CDK14: variants seen among roughly 807,000 people sequenced by gnomAD.
CDK14 encodes the protein cyclin-dependent kinase 14.
Under a neutral mutation model 60.7 loss-of-function variants are expected in CDK14, and 34 were observed. The ratio of observed to expected loss-of-function variants is 0.56; its 90% CI spans 0.43 to 0.75. The LOEUF (loss-of-function observed/expected upper bound fraction) is 0.75, where lower values mean the gene tolerates loss of function less well. Ranked by LOEUF, CDK14 falls within the 30% of genes least tolerant of loss-of-function variation. CDK14 has a pLI of 0.00. For synonymous variants in CDK14, 197 were observed against 203.7 expected (o/e 0.97, Z 0.28); for missense variants, 482 against 564.1 (o/e 0.85, Z 1.47).
intron 2 of CDK14, among the ~76,000 whole-genome samples, chr7:90,626,850 C>T (rs975408868): frequency 2.0e-5 from 3 of 150,732 alleles, no homozygotes; most frequent in African/African-American, 7.3e-5. Context: ...TGAGGTGGGA[C>T]GATCACTTGA....
intron 12 of CDK14, among the ~76,000 whole-genome samples, chr7:91,090,982 T>C (rs1471789162): frequency 1.1e-5 from 1 of 93,702 alleles, no homozygotes; most frequent in Non-Finnish European, 2.0e-5. Flanking sequence ...GCTCATTAAC[T>C]AAGTTGGTTT....
At chr7:90,979,120 T>C (rs1051479925) in intron 9 of CDK14, among the ~76,000 whole-genome samples, 6 of 152,184 alleles carry the variant, frequency 3.9e-5, no homozygotes, top group African/African-American at 1.4e-4. Flanking sequence ...CCTAAATGAA[T>C]GAGTGTGGTT....
intron 10 of CDK14, among the ~76,000 whole-genome samples, chr7:90,987,276 A>G (rs535505133): frequency 1.5e-4 from 23 of 152,136 alleles, no homozygotes; most frequent in Non-Finnish European, 3.1e-4. Flanking sequence ...AGATAAATAA[A>G]TCATTTTAAA....
chr7:90,851,622 A>G (rs1183091369), intron 5 of CDK14, among the ~76,000 whole-genome samples: 2 of 152,242 alleles, frequency 1.3e-5, no homozygotes, highest in Non-Finnish European at 2.9e-5. Context: ...GGAGTCAGAT[A>G]GTTTCTTACC....
At chr7:91,003,176 A>T (rs757818923) in intron 10 of CDK14, among the ~76,000 whole-genome samples, 3 of 152,220 alleles carry the variant, frequency 2.0e-5, no homozygotes, top group Non-Finnish European at 4.4e-5. Context: ...ATTTCAGTGA[A>T]TGGCAGTTTA....
At chr7:90,711,274 TC>T (rs1448398504) in intron 2 of CDK14, among the ~76,000 whole-genome samples, 1 of 152,142 alleles carries the variant, frequency 6.6e-6, no homozygotes, top group Non-Finnish European at 1.5e-5. Context: ...CTGTATTCAC[TC>T]AACTATTTAC....
At chr7:91,130,758 A>T (rs1395913910) in intron 14 of CDK14, among the ~76,000 whole-genome samples, 1 of 152,134 alleles carries the variant, frequency 6.6e-6, no homozygotes, top group Non-Finnish European at 1.5e-5. Flanking sequence ...ATCTTGAAAG[A>T]CTTTTACTGT....
chr7:91,206,974 T>C (rs1482659195), intron 14 of CDK14, among the ~76,000 whole-genome samples, 191 bp from the exon 15 acceptor site: 3 of 152,178 alleles, frequency 2.0e-5, no homozygotes, highest in African/African-American at 4.8e-5. Context: ...TCAGAACATT[T>C]GTTTATCATA....
At chr7:90,947,852 T>C (rs1794145396) in intron 8 of CDK14, among the ~76,000 whole-genome samples, 1 of 152,182 alleles carries the variant, frequency 6.6e-6, no homozygotes, top group Non-Finnish European at 1.5e-5. Context: ...TAAATATGTA[T>C]GTATAATAAA....
chr7:91,028,541 C>T (rs980323950), intron 10 of CDK14, among the ~76,000 whole-genome samples: 1 of 152,142 alleles, frequency 6.6e-6, no homozygotes, highest in African/African-American at 2.4e-5. Context: ...TTTGCATTCC[C>T]ACTAACAGTG....
At chr7:90,805,316 T>C (rs1788781567) in intron 5 of CDK14, among the ~76,000 whole-genome samples, 1 of 152,044 alleles carries the variant, frequency 6.6e-6, no homozygotes, top group Non-Finnish European at 1.5e-5. Flanking sequence ...ACCATGTTAA[T>C]AGAATAAAGT....
chr7:90,603,372 T>A (rs1799354733), intron 1 of CDK14, among the ~76,000 whole-genome samples: 1 of 152,212 alleles, frequency 6.6e-6, no homozygotes. Context: ...CTGTACATTT[T>A]TCTATGTTTA....
In CDK14 at chr7:91,131,835, C is replaced by T. The variant is rs552077849; in HGVS notation, c.*28+13627C>T. ...CCACTGGAATCTAAATATCAGAATA[C>T]AGGAACTCGTTTACGGTTTTATCCT... On this transcript the variant is annotated intron_variant, in intron 14 of 14. Coordinates refer to ENST00000380050, the MANE Select transcript of CDK14 (RefSeq NM_001287135.2). Among the ~76,000 whole-genome samples the T allele has an allele frequency of 9.9e-5, 15 of 152,272 alleles. No homozygotes were observed. In the East Asian group the frequency reaches 2.9e-3, roughly 29 times the overall value.
intron 6 of CDK14, among the ~76,000 whole-genome samples, chr7:90,891,432 C>A (rs1315588480): frequency 1.3e-5 from 2 of 152,202 alleles, no homozygotes; most frequent in African/African-American, 4.8e-5. Context: ...GGTGTTTACA[C>A]ATAAACTATG....
chr7:90,740,004 A>T (rs1803276795), intron 3 of CDK14, among the ~76,000 whole-genome samples: 1 of 152,108 alleles, frequency 6.6e-6, no homozygotes. Context: ...TACTTGATTT[A>T]ACTCAACACA....
At chr7:91,194,093 G>T (rs1584199607) in intron 14 of CDK14, among the ~76,000 whole-genome samples, 1 of 152,184 alleles carries the variant, frequency 6.6e-6, no homozygotes, top group South Asian at 2.1e-4. Context: ...GTTCTCCTGT[G>T]CATTTTACCA....
intron 7 of CDK14, among the ~76,000 whole-genome samples, chr7:90,912,419 A>G (rs963774159): frequency 1.3e-5 from 2 of 152,224 alleles, no homozygotes; most frequent in African/African-American, 4.8e-5. Flanking sequence ...CCATGCATTT[A>G]TTCAGCATCA....
rs1489971748 is a variant in CDK14, at chr7:90,798,292, A to G, written c.544+7640A>G. Among the ~76,000 whole-genome samples, 5 of 151,044 alleles carry G rather than the reference A, an allele frequency of 3.3e-5. No individual in the cohort carries two copies. In the South Asian group the frequency reaches 6.3e-4, roughly 19 times the overall value. Reference sequence around the variant, plus strand: ...TTCTTGCCTTCTCATTCTGCCTTTCATATTCTTATTTTTCTGCTGTTTATA... The same window carrying G: ...TTCTTGCCTTCTCATTCTGCCTTTCGTATTCTTATTTTTCTGCTGTTTATA... On this transcript the variant is annotated intron_variant, in intron 5 of 14. Coordinates refer to ENST00000380050, the MANE Select transcript of CDK14 (RefSeq NM_001287135.2).
chr7:91,138,918 G>A (rs772939376), intron 14 of CDK14, among the ~76,000 whole-genome samples: 10 of 152,108 alleles, frequency 6.6e-5, no homozygotes, highest in Admixed American at 6.5e-4. Context: ...TTGTTGCCTC[G>A]ATTCTGGCTT....
Sources: allele counts gnomAD v4.1 joint callset (sites outside exome capture counted in the v4.1 genomes callset), GRCh38; gene constraint gnomAD v4.1.1; transcripts MANE v1.5; gene names NCBI Gene and HGNC (gene_info 2026-07-23, HGNC 2026-07-21).